Variants in ARHGEF18 observed in about 807,000 individuals in gnomAD.
ARHGEF18 encodes the protein rho guanine nucleotide exchange factor 18.
Under a neutral mutation model 155.7 loss-of-function variants are expected in ARHGEF18, and 93 were observed. The observed-to-expected ratio is 0.60, with a 90% CI of 0.50 to 0.71. ARHGEF18 has a LOEUF of 0.71. Ranked by LOEUF, ARHGEF18 falls within the 30% of genes least tolerant of loss-of-function variation. ARHGEF18 has a pLI of 0.00. For synonymous variants in ARHGEF18, 742 were observed against 753.1 expected (o/e 0.99, Z 0.24); for missense variants, 1,593 against 1,816.1 (o/e 0.88, Z 2.23).
intron 10 of ARHGEF18, among the ~76,000 whole-genome samples, chr19:7,387,374 G>T (rs780893778): frequency 2.0e-5 from 3 of 151,870 alleles, no homozygotes; most frequent in Non-Finnish European, 2.9e-5. Context: ...GGATAATCTC[G>T]ATCTCCTGAC....
intron 10 of ARHGEF18, among the ~76,000 whole-genome samples, chr19:7,386,033 C>CCT (rs142761518): frequency 7.6e-6 from 1 of 131,972 alleles, no homozygotes; most frequent in African/African-American, 2.9e-5. Context: ...TCCCTCTCTC[C>CCT]CTCTCTCTCT....
At chr19:7,358,244 C>CCAT (rs1451313360) in intron 1 of ARHGEF18, among the ~76,000 whole-genome samples, 144 of 14,700 alleles carry the variant, frequency 9.8e-3, no homozygotes, top group East Asian at 0.04. Context: ...CATCCATCCA[C>CCAT]CCATCCACCC....
chr19:7,440,256 C>A lies in ARHGEF18; in HGVS notation c.968-88C>A, dbSNP rs1486180138. 6.4e-7 allele frequency: 1 copy of A among 1,554,558 alleles called. No homozygotes were observed. The highest frequency in any genetic ancestry group is 8.7e-7 in the Non-Finnish European group (1 of 1,148,732). On this transcript the variant is annotated intron_variant, in intron 10 of 28. Transcript: ENST00000668164. The surrounding 1 kb of genome is among the most constrained non-coding windows in gnomAD (Gnocchi z 5.4). Reference sequence around the variant, plus strand: ...CTCCAAGATCCTGTCTGTGCTGCGGCCGCAGTCGGAGCGGGGCTTCCGCGC... The same window carrying A: ...CTCCAAGATCCTGTCTGTGCTGCGGACGCAGTCGGAGCGGGGCTTCCGCGC...
chr19:7,410,500 C>T (rs903745073), intron 10 of ARHGEF18, among the ~76,000 whole-genome samples: 1 of 151,744 alleles, frequency 6.6e-6, no homozygotes, highest in Non-Finnish European at 1.5e-5. Flanking sequence ...CAGAATCAGT[C>T]TTCTTTTCAT....
chr19:7,458,392 TGAAAA>T (rs941120672), intron 18 of ARHGEF18, 115 bp from the exon 19 acceptor site: 18 of 873,148 alleles, frequency 2.1e-5, no homozygotes, highest in Non-Finnish European at 3.0e-5. Context: ...TTGAATTGTT[TGAAAA>T]GAAATGAGGA....
chr19:7,410,809 C>CAAAAAAAA (rs58022667), intron 10 of ARHGEF18, among the ~76,000 whole-genome samples: 2 of 82,294 alleles, frequency 2.4e-5, no homozygotes, highest in African/African-American at 4.2e-5. Context: ...GACTCCATCT[C>CAAAAAAAA]AAAAAAAAAA....
intron 15 of ARHGEF18, among the ~76,000 whole-genome samples, chr19:7,447,496 A>AAAAAAC (rs1838711135): frequency 6.6e-6 from 1 of 150,774 alleles, no homozygotes; most frequent in Non-Finnish European, 1.5e-5. Context: ...TCTGTCTCAA[A>AAAAAAC]AAAAACAAAA....
chr19:7,398,704 A>AAAGAAAG (rs1555708478), intron 10 of ARHGEF18, among the ~76,000 whole-genome samples: 135 of 147,152 alleles, frequency 9.2e-4, no homozygotes, highest in African/African-American at 3.3e-3. Flanking sequence ...AAAAAAAAAA[A>AAAGAAAG]AAATAAAGAA....
intron 10 of ARHGEF18, among the ~76,000 whole-genome samples, chr19:7,421,844 A>G (rs912722774): frequency 6.6e-6 from 1 of 152,150 alleles, no homozygotes; most frequent in Non-Finnish European, 1.5e-5. Flanking sequence ...ACTTCTGAGC[A>G]GAGGGTCCTG....
intron 10 of ARHGEF18, among the ~76,000 whole-genome samples, chr19:7,416,547 G>T (rs1476240307): frequency 7.1e-6 from 1 of 140,288 alleles, no homozygotes; most frequent in South Asian, 2.2e-4. Context: ...GTGTGTGTGT[G>T]TGTGTGTGTG....
intron 1 of ARHGEF18, among the ~76,000 whole-genome samples, chr19:7,359,238 T>G (rs1285162130): frequency 1.3e-5 from 2 of 151,984 alleles, no homozygotes; most frequent in East Asian, 1.9e-4. Context: ...GAGGGTTATA[T>G]CAAAAGGACA....
At chr19:7,367,402 A>G (rs1375395296) in intron 2 of ARHGEF18, among the ~76,000 whole-genome samples, 1 of 151,964 alleles carries the variant, frequency 6.6e-6, no homozygotes, top group Non-Finnish European at 1.5e-5. Flanking sequence ...CCAGGATTTC[A>G]AGACCAGCCT....
At position 7,462,037 on chromosome 19, in the gene ARHGEF18, G is replaced by A; in HGVS notation, c.2453-115G>A. 3 of 1,207,076 alleles carry A rather than the reference G, an allele frequency of 2.5e-6. No homozygotes were observed. Among genetic ancestry groups the A allele is most frequent in the Non-Finnish European group, 3.6e-6 (3 of 831,302 alleles). 74.8% of individuals were successfully genotyped at this position (1,207,076 alleles called of 1,614,324 possible). ...CAGGAATGCAGGACACAAGGGGGCA[G>A]CCTACCTCAGGGCAGGGCCAGCGGG... On this transcript the variant is annotated intron_variant, in intron 20 of 28. Transcript: ENST00000668164. The surrounding 1 kb of genome is among the most constrained non-coding windows in gnomAD (Gnocchi z 4.4).
chr19:7,463,967 G>C lies in ARHGEF18; in HGVS notation c.2773+12G>C. 1 of 1,569,602 alleles carries C rather than the reference G, an allele frequency of 6.4e-7. No homozygotes were observed. The highest frequency in any genetic ancestry group is 8.6e-7 in the Non-Finnish European group (1 of 1,157,200). On this transcript the variant is annotated intron_variant, in intron 22 of 28. Transcript: ENST00000668164. The surrounding 1 kb of genome is among the most constrained non-coding windows in gnomAD (Gnocchi z 5.2). The stretch of plus-strand genomic sequence containing the variant: ...CAGCCCCACCAAGAGTAAGAGCGGG[G>C]CCGTCTCCCCTCCTGCCTCCAGGGC...
chr19:7,373,079 C>T lies in ARHGEF18; in HGVS notation c.275+8C>T. The T allele has an allele frequency of 8.1e-7, 1 of 1,234,528 alleles. No homozygotes were observed. Among genetic ancestry groups the T allele is most frequent in the Non-Finnish European group, 1.0e-6 (1 of 988,352 alleles). 76.5% of individuals were successfully genotyped at this position (1,234,528 alleles called of 1,614,324 possible). ...CTCAGAGAGCTGGCGGAGGTCAGTTCCCCACTGCTGCCTGCTTCCCACAAT... is the reference window on the plus strand; with the variant it reads ...CTCAGAGAGCTGGCGGAGGTCAGTTTCCCACTGCTGCCTGCTTCCCACAAT... On this transcript the variant is annotated splice_region_variant and intron_variant, in intron 3 of 28. Coordinates refer to ENST00000668164, the MANE Select transcript of ARHGEF18 (RefSeq NM_001367823.1).
rs1266058068 is a variant in ARHGEF18 at position 7,441,547 on chromosome 19, CAG to C, written c.1107-101_1107-100del. ...CTTCTGTGAAAATGTGGAGAGTTCT[CAG>C]AGAGTATCGAATCGGATGGAGTCAC... On this transcript the variant is annotated intron_variant, in intron 11 of 28. Coordinates refer to ENST00000668164, the MANE Select transcript of ARHGEF18 (RefSeq NM_001367823.1). The C allele has an allele frequency of 5.6e-5, 46 of 818,204 alleles. No homozygotes were observed. The Admixed American group carries it at 8.7e-4, about 16-fold the overall frequency. The allele number at this position is 818,204 out of a possible 1,614,324, so 50.7% of individuals were successfully genotyped here. A position where few individuals can be genotyped will look rare whatever the true frequency, so the allele number is the denominator to read the frequency against.
Position 7,468,857 on chromosome 19 carries a change from CG to C in ARHGEF18, c.3517del (p.Glu1173LysfsTer8). On this transcript the variant is annotated frameshift_variant, in exon 27 of 29. Transcript: ENST00000668164. LOFTEE classifies it high-confidence loss of function. The stretch of plus-strand genomic sequence containing the variant: ...CCCCAAGCCACCCTCCCAGCTTCAA[CG>C]GGGAAGGGCTGGAGGGCCCTCGTGT... ...QPPSHPPSFNGEGLEGPRVSM... is the reference protein window; with the variant it reads ...QPPSHPPSFNXEGLEGPRVSM... 1 of 1,567,146 alleles carries C rather than the reference CG, an allele frequency of 6.4e-7. No homozygotes were observed. Among genetic ancestry groups the C allele is most frequent in the Non-Finnish European group, 8.7e-7 (1 of 1,153,178 alleles).
chr19:7,405,771 T>C (rs1052693843), intron 10 of ARHGEF18, among the ~76,000 whole-genome samples: 1 of 151,974 alleles, frequency 6.6e-6, no homozygotes, highest in Non-Finnish European at 1.5e-5. Flanking sequence ...CCACCACGCC[T>C]GGCTAATTGT....
At chr19:7,450,421 C>T (rs894727614) in intron 15 of ARHGEF18, among the ~76,000 whole-genome samples, 7 of 1,658 alleles carry the variant, frequency 4.2e-3, no homozygotes, top group Non-Finnish European at 8.1e-3. Context: ...GATGTTAATG[C>T]GGGATCTTGC....
Sources: gnomAD v4.1 joint callset for allele counts (sites outside exome capture counted in the v4.1 genomes callset) on GRCh38, gnomAD v4.1.1 for gene constraint, Gnocchi (gnomAD v3.1) non-coding constraint, MANE v1.5 for transcripts, NCBI Gene and HGNC (gene_info 2026-07-23, HGNC 2026-07-21) for gene names.